JAZF1: variants seen among roughly 807,000 people sequenced by gnomAD.
JAZF1 encodes the protein juxtaposed with another zinc finger protein 1.
A neutral mutation model predicts 26.4 loss-of-function variants in JAZF1; 8 were observed. The observed-to-expected ratio is 0.30, with a 90% CI of 0.18 to 0.55. The LOEUF (loss-of-function observed/expected upper bound fraction) is 0.55. Ranked by LOEUF, JAZF1 falls within the 20% of genes least tolerant of loss-of-function variation. The pLI is 0.94. For missense variants in JAZF1, 199 were observed against 322.0 expected (o/e 0.62, Z 2.92); for synonymous variants, 126 against 122.3 (o/e 1.03, Z -0.20).
intron 3 of JAZF1, among the ~76,000 whole-genome samples, chr7:27,872,505 G>A (rs58721791): frequency 0.25 from 37,906 of 152,096 alleles, 5,111 homozygotes; most frequent in East Asian, 0.49. Flanking sequence ...CGGGTATACG[G>A]CTGAGAAAAA....
intron 1 of JAZF1, among the ~76,000 whole-genome samples, chr7:28,152,548 A>C (rs1783126984): frequency 6.6e-6 from 1 of 152,124 alleles, no homozygotes; most frequent in South Asian, 2.1e-4. Context: ...AGTTTTTTCT[A>C]TCTCCCATTG....
rs149621654 is a variant in JAZF1 at position 27,939,932 on chromosome 7, G to A, written c.189-44516C>T. Among the ~76,000 whole-genome samples the A allele has an allele frequency of 9.2e-5, 14 of 152,234 alleles. No homozygotes were observed. In the East Asian group the frequency reaches 1.4e-3, roughly 15 times the overall value. ...CTCTTTGCATGTAAGTGACCCTGCC[G>A]CTTGCTAACAGTGGTTGAAAACCAT... is the stretch of plus-strand genomic sequence containing the variant. On this transcript the variant is annotated intron_variant, in intron 2 of 4. Coordinates refer to ENST00000283928, the MANE Select transcript of JAZF1 (RefSeq NM_175061.4).
At chr7:28,166,650 G>A (rs908549942) in intron 1 of JAZF1, among the ~76,000 whole-genome samples, 4 of 152,060 alleles carry the variant, frequency 2.6e-5, no homozygotes, top group East Asian at 1.9e-4. Context: ...CCTTCTTTCC[G>A]AAAGAGAAAA....
At chr7:28,145,083 C>T (rs535159603) in intron 1 of JAZF1, among the ~76,000 whole-genome samples, 4 of 152,236 alleles carry the variant, frequency 2.6e-5, no homozygotes, top group African/African-American at 7.2e-5. Flanking sequence ...GAGTTTGCAT[C>T]ACTGAACAAG....
chr7:28,028,786 G>GTC (rs1783134662), intron 1 of JAZF1, among the ~76,000 whole-genome samples: 1 of 152,156 alleles, frequency 6.6e-6, no homozygotes, highest in Non-Finnish European at 1.5e-5. Context: ...TCAGGATGAT[G>GTC]GGGATGCAAA....
chr7:28,048,155 TG>T (rs1783529603), intron 1 of JAZF1, among the ~76,000 whole-genome samples: 1 of 152,200 alleles, frequency 6.6e-6, no homozygotes, highest in South Asian at 2.1e-4. Context: ...TCTATTCATA[TG>T]TTCCTTTTTG....
At chr7:27,846,034 A>G (rs1269747814) in intron 3 of JAZF1, among the ~76,000 whole-genome samples, 3 of 152,058 alleles carry the variant, frequency 2.0e-5, no homozygotes, top group Non-Finnish European at 2.9e-5. Flanking sequence ...GTCCAGAGGA[A>G]AGCTTTCTCA....
At chr7:27,939,696 G>A (rs907747594) in intron 2 of JAZF1, among the ~76,000 whole-genome samples, 5 of 152,194 alleles carry the variant, frequency 3.3e-5, no homozygotes, top group African/African-American at 9.7e-5. Context: ...AGCCAAATGC[G>A]ACCTTGCCAT....
At chr7:27,985,447 T>C (rs894405336) in intron 2 of JAZF1, among the ~76,000 whole-genome samples, 2 of 152,074 alleles carry the variant, frequency 1.3e-5, no homozygotes, top group African/African-American at 4.8e-5. Context: ...GTTCTGAAAT[T>C]GAGGCAATAA....
At chr7:28,006,532 T>C (rs1245728457) in intron 1 of JAZF1, among the ~76,000 whole-genome samples, 1 of 152,208 alleles carries the variant, frequency 6.6e-6, no homozygotes. Context: ...ATAATAAAGA[T>C]ATTATTACTA....
intron 1 of JAZF1, among the ~76,000 whole-genome samples, chr7:28,093,362 T>A (rs567806003): frequency 6.6e-6 from 1 of 152,200 alleles, no homozygotes; most frequent in Non-Finnish European, 1.5e-5. Flanking sequence ...ATGTAAGACA[T>A]GCCTTCTGCC....
intron 1 of JAZF1, among the ~76,000 whole-genome samples, chr7:28,077,578 C>CAA (rs11393261): frequency 6.6e-6 from 1 of 150,836 alleles, no homozygotes; most frequent in African/African-American, 2.4e-5. Flanking sequence ...ACCTTAACTA[C>CAA]AAAAAAAAGT....
intron 4 of JAZF1, among the ~76,000 whole-genome samples, chr7:27,835,398 G>A (rs1782786198): frequency 6.6e-6 from 1 of 152,184 alleles, no homozygotes; most frequent in African/African-American, 2.4e-5. Context: ...CAGGGCTGAG[G>A]GGATTCCGGC....
intron 1 of JAZF1, among the ~76,000 whole-genome samples, chr7:28,085,769 G>A (rs772166718): frequency 6.6e-6 from 1 of 152,202 alleles, no homozygotes; most frequent in Non-Finnish European, 1.5e-5. Flanking sequence ...CAAAATTAAT[G>A]TATCCCATTT....
At chr7:27,953,282 G>A (rs1435917270) in intron 2 of JAZF1, among the ~76,000 whole-genome samples, 1 of 152,198 alleles carries the variant, frequency 6.6e-6, no homozygotes, top group Non-Finnish European at 1.5e-5. Flanking sequence ...ATTTTAAGGG[G>A]TAGGCTTTTT....
intron 1 of JAZF1, among the ~76,000 whole-genome samples, chr7:28,002,750 C>A (rs1782625010): frequency 6.6e-6 from 1 of 152,116 alleles, no homozygotes; most frequent in Admixed American, 6.6e-5. Flanking sequence ...ATTTTCCCCC[C>A]TTTCCCTCCA....
chr7:27,936,933 T>C (rs1355659010), intron 2 of JAZF1, among the ~76,000 whole-genome samples: 2 of 152,234 alleles, frequency 1.3e-5, no homozygotes, highest in Non-Finnish European at 2.9e-5. Context: ...GCTTGCTGAC[T>C]CTAAGTTTAA....
intron 2 of JAZF1, among the ~76,000 whole-genome samples, chr7:27,967,585 A>G (rs890642186): frequency 6.6e-6 from 1 of 152,238 alleles, no homozygotes; most frequent in Non-Finnish European, 1.5e-5. Context: ...ATGAAAAAGC[A>G]AAATTTAAAG....
chr7:28,096,697 T>C (rs1784391888), intron 1 of JAZF1, among the ~76,000 whole-genome samples: 1 of 152,248 alleles, frequency 6.6e-6, no homozygotes, highest in Non-Finnish European at 1.5e-5. Context: ...TTTGCAATTT[T>C]TTTTTTAATT....
Sources: allele counts gnomAD v4.1 joint callset (sites outside exome capture counted in the v4.1 genomes callset), GRCh38; gene constraint gnomAD v4.1.1; transcripts MANE v1.5; gene names NCBI Gene and HGNC (gene_info 2026-07-23, HGNC 2026-07-21).